The following DLGAP2 variants were observed in gnomAD, a reference collection of about 807,000 sequenced individuals.
The protein encoded by DLGAP2 is DLG associated protein 2, also known as disks large-associated protein 2.
In DLGAP2, 26 loss-of-function variants were observed where a neutral mutation model predicts 100.3. The ratio of observed to expected loss-of-function variants is 0.26; its 90% CI spans 0.19 to 0.36. DLGAP2 has a LOEUF of 0.36. DLGAP2 is among the 10% of genes least tolerant of loss of function. The pLI is 1.00. For synonymous variants in DLGAP2, 886 were observed against 630.1 expected, an observed-to-expected ratio of 1.41 and a Z score of -6.08; for missense variants, 1,858 against 1,453.2, an observed-to-expected ratio of 1.28 and a Z score of -4.53.
At chr8:1,648,005 C>T (rs564137065) in intron 8 of DLGAP2, among the ~76,000 whole-genome samples, 1 of 152,302 alleles carries the variant, frequency 6.6e-6, no homozygotes, top group South Asian at 2.1e-4. Context: ...AGACGTCGGT[C>T]ATCTCTTCCA....
chr8:1,324,892 A>G (rs1006127850), intron 3 of DLGAP2, among the ~76,000 whole-genome samples: 1 of 151,946 alleles, frequency 6.6e-6, no homozygotes, highest in Non-Finnish European at 1.5e-5. Flanking sequence ...ATAAAGGAAG[A>G]CTCCACAAGC....
At chr8:1,306,729 C>T (rs1350210837) in intron 3 of DLGAP2, among the ~76,000 whole-genome samples, 1 of 152,062 alleles carries the variant, frequency 6.6e-6, no homozygotes, top group Non-Finnish European at 1.5e-5. Context: ...ATAGAGAGTC[C>T]AGAAATAAAC....
chr8:1,313,565 T>A (rs1800660897), intron 3 of DLGAP2, among the ~76,000 whole-genome samples: 1 of 152,054 alleles, frequency 6.6e-6, no homozygotes, highest in Non-Finnish European at 1.5e-5. Flanking sequence ...TCATAAAGGT[T>A]TTTCCTGTGG....
chr8:1,205,333 C>T (rs1464615906), intron 2 of DLGAP2, among the ~76,000 whole-genome samples: 1 of 152,116 alleles, frequency 6.6e-6, no homozygotes, highest in East Asian at 1.9e-4. Flanking sequence ...GCCTGTTCCT[C>T]AGGGTCTTGG....
At chr8:1,653,856 T>G (rs1051478623) in intron 8 of DLGAP2, among the ~76,000 whole-genome samples, 1 of 152,212 alleles carries the variant, frequency 6.6e-6, no homozygotes, top group Non-Finnish European at 1.5e-5. Flanking sequence ...ATTTAGGATA[T>G]ATTCATTTGA....
intron 2 of DLGAP2, among the ~76,000 whole-genome samples, chr8:1,195,853 C>T (rs79184329): frequency 2.6e-5 from 4 of 152,166 alleles, no homozygotes; most frequent in East Asian, 1.9e-4. Flanking sequence ...TCTGCGAAAA[C>T]GCTTCCAAAT....
At chr8:1,106,402 T>A (rs1233495353) in intron 2 of DLGAP2, among the ~76,000 whole-genome samples, 1 of 149,722 alleles carries the variant, frequency 6.7e-6, no homozygotes, top group African/African-American at 2.5e-5. Flanking sequence ...TCTAGGAGGG[T>A]TTTCTATTGA....
chr8:1,566,297 G>A (rs1802398168), intron 6 of DLGAP2, among the ~76,000 whole-genome samples: 1 of 152,170 alleles, frequency 6.6e-6, no homozygotes, highest in African/African-American at 2.4e-5. Context: ...AACTTTGTAA[G>A]TGCATTTCTA....
At chr8:837,188 G>T (rs997017499) in intron 1 of DLGAP2, among the ~76,000 whole-genome samples, 1 of 152,186 alleles carries the variant, frequency 6.6e-6, no homozygotes, top group African/African-American at 2.4e-5. Context: ...ATGCGCTCAG[G>T]CCTCGGGATC....
chr8:1,190,580 G>A (rs939488747), intron 2 of DLGAP2, among the ~76,000 whole-genome samples: 4 of 152,164 alleles, frequency 2.6e-5, no homozygotes, highest in East Asian at 1.9e-4. Context: ...ACTGCGAGCC[G>A]CCTGTCGCAA....
chr8:1,217,358 T>C (rs752962754), intron 2 of DLGAP2, among the ~76,000 whole-genome samples: 11 of 152,214 alleles, frequency 7.2e-5, no homozygotes, highest in African/African-American at 1.2e-4. Flanking sequence ...TAGTTCATCA[T>C]TGCTGGCCAC....
At chr8:1,361,486 C>T (rs969809571) in intron 3 of DLGAP2, among the ~76,000 whole-genome samples, 1 of 152,228 alleles carries the variant, frequency 6.6e-6, no homozygotes, top group Admixed American at 6.5e-5. Flanking sequence ...TAAGGTAACA[C>T]ACGGCTCTGT....
intron 3 of DLGAP2, among the ~76,000 whole-genome samples, chr8:1,315,031 C>G (rs144413032): frequency 3.9e-5 from 6 of 152,200 alleles, no homozygotes; most frequent in Admixed American, 3.9e-4. Context: ...TCCAGAACAC[C>G]GCTCCGTGGC....
At chr8:1,383,732 T>G (rs562286465) in intron 3 of DLGAP2, among the ~76,000 whole-genome samples, 1 of 152,320 alleles carries the variant, frequency 6.6e-6, no homozygotes, top group African/African-American at 2.4e-5. Context: ...AGTATTAGAA[T>G]GGCCACGTCA....
At chr8:1,567,100 G>A (rs1726806575) in intron 6 of DLGAP2, among the ~76,000 whole-genome samples, 1 of 152,214 alleles carries the variant, frequency 6.6e-6, no homozygotes, top group Non-Finnish European at 1.5e-5. Flanking sequence ...TGGGGAGCAG[G>A]TGTTTGTAAG....
At position 930,439 on chromosome 8, in the gene DLGAP2, A is replaced by T. The variant is rs138966808; in HGVS notation, c.73+22473A>T. Among the ~76,000 whole-genome samples the T allele has an allele frequency of 1.4e-3, 217 of 152,350 alleles. 1 individual carries two copies. The highest frequency in any genetic ancestry group is 5.1e-3 in the African/African-American group (210 of 41,572). ...ACCAGGGACTCCAGGCACACACAGC[A>T]TGATGTAACAACACTGCATCAGAAG... On this transcript the variant is annotated intron_variant, in intron 2 of 14. Transcript: ENST00000637795.
chr8:962,270 T>C (rs990133661), intron 2 of DLGAP2, among the ~76,000 whole-genome samples: 9 of 152,182 alleles, frequency 5.9e-5, no homozygotes, highest in African/African-American at 2.2e-4. Flanking sequence ...TAAAAACAGA[T>C]GGCGAAGTAA....
chr8:1,094,870 G>C (rs923019635), intron 2 of DLGAP2, among the ~76,000 whole-genome samples: 2 of 152,230 alleles, frequency 1.3e-5, no homozygotes, highest in Admixed American at 1.3e-4. Flanking sequence ...GACCCCTTGG[G>C]CGAGTGTTTC....
intron 2 of DLGAP2, among the ~76,000 whole-genome samples, chr8:1,060,700 G>C (rs530499208): frequency 2.4e-4 from 36 of 152,314 alleles, no homozygotes; most frequent in African/African-American, 7.9e-4. Context: ...CGTAACTCCT[G>C]GTGATGGTGG....
Sources: gnomAD v4.1 joint callset for allele counts (sites outside exome capture counted in the v4.1 genomes callset) on GRCh38, gnomAD v4.1.1 for gene constraint, MANE v1.5 for transcripts, NCBI Gene and HGNC (gene_info 2026-07-23, HGNC 2026-07-21) for gene names.